The following TMEM255B variants were observed in gnomAD, a reference collection of about 807,000 sequenced individuals.
The protein encoded by TMEM255B is family with sequence similarity 70, member B.
In TMEM255B, 35 loss-of-function variants were observed where a neutral mutation model predicts 34.5. That is an observed-to-expected ratio of 1.01 (90% confidence interval 0.77 to 1.34). TMEM255B has a LOEUF of 1.34. Among genes scored for constraint, TMEM255B ranks in the 40% most tolerant of loss-of-function variants. The probability of loss-of-function intolerance (pLI) is 0.00; values close to 1 mark genes in which losing one functional copy is unlikely to be tolerated. For synonymous variants in TMEM255B, 206 were observed against 201.2 expected, an observed-to-expected ratio of 1.02 and a Z score of -0.20; for missense variants, 432 against 433.2, an observed-to-expected ratio of 1.00 and a Z score of 0.02.
At chr13:113,795,958 A>T (rs1192689916) in intron 4 of TMEM255B, among the ~76,000 whole-genome samples, 1 of 135,196 alleles carries the variant, frequency 7.4e-6, no homozygotes, top group East Asian at 2.3e-4. Context: ...CAGCACATAC[A>T]CAACAGAGCA....
chr13:113,805,060 G>T, intron 8 of TMEM255B, 32 bp downstream of exon 8: 1 of 1,570,114 alleles, frequency 6.4e-7, no homozygotes, highest in Non-Finnish European at 8.6e-7. Context: ...GGAGTTGGAC[G>T]CGCTGGTCAC....
At chr13:113,787,527 T>C (rs374355462) in intron 3 of TMEM255B, among the ~76,000 whole-genome samples, 7 of 152,092 alleles carry the variant, frequency 4.6e-5, no homozygotes, top group African/African-American at 1.7e-4. Context: ...GGTGCGAGTG[T>C]AGGGTGTAGA....
chr13:113,776,509 CCGAGCTGTG>C (rs2050580952), intron 3 of TMEM255B, among the ~76,000 whole-genome samples: 2 of 152,250 alleles, frequency 1.3e-5, no homozygotes, highest in Admixed American at 6.5e-5. Context: ...CTGCTGCTGT[CCGAGCTGTG>C]AGCTGTGCAC....
chr13:113,805,209 C>A (rs569285612), intron 8 of TMEM255B, among the ~76,000 whole-genome samples, 181 bp downstream of exon 8: 46 of 152,138 alleles, frequency 3.0e-4, no homozygotes, highest in Non-Finnish European at 6.6e-4. Context: ...CAAGTATGGC[C>A]GGGGACCGCG....
intron 7 of TMEM255B, among the ~76,000 whole-genome samples, chr13:113,804,134 G>A (rs1457309080): frequency 6.6e-6 from 1 of 152,232 alleles, no homozygotes; most frequent in Non-Finnish European, 1.5e-5. Flanking sequence ...TTCTGGCCCG[G>A]GGAAGCCCTG....
chr13:113,791,654 A>T (rs1193620754), intron 3 of TMEM255B, among the ~76,000 whole-genome samples: 1 of 152,256 alleles, frequency 6.6e-6, no homozygotes, highest in Non-Finnish European at 1.5e-5. Context: ...CCGCACCTGC[A>T]AAATGCAAAT....
In TMEM255B at chr13:113,795,355, G is replaced by C. The variant is rs117636092; in HGVS notation, c.342+118G>C. The C allele has an allele frequency of 9.5e-6, 10 of 1,056,862 alleles. No homozygotes were observed. In the Admixed American group the frequency reaches 1.3e-4, roughly 13 times the overall value. The allele number at this position is 1,056,862 out of a possible 1,614,324, so 65.5% of individuals were successfully genotyped here. A position where few individuals can be genotyped will look rare whatever the true frequency, so the allele number is the denominator to read the frequency against. On this transcript the variant is annotated intron_variant, in intron 4 of 8. Coordinates refer to ENST00000375353, the MANE Select transcript of TMEM255B (RefSeq NM_182614.4). ...AGACGGCTTCACCGTCAGTCTCCAC[G>C]CTGGGGGTTGCCAGTGACTGTCTCT...
intron 3 of TMEM255B, among the ~76,000 whole-genome samples, chr13:113,775,050 C>T (rs60487228): frequency 3.6e-5 from 3 of 83,758 alleles, no homozygotes; most frequent in Non-Finnish European, 7.2e-5. Context: ...ATTGCACACA[C>T]AACACACCAC....
intron 1 of TMEM255B, chr13:113,761,311 A>C (rs1273740750): frequency 1.0e-6 from 1 of 985,080 alleles, no homozygotes; most frequent in East Asian, 1.1e-4. Context: ...TCTGAGGGGC[A>C]GGAAGAACCT....
At chr13:113,781,929 T>C (rs1244453386) in intron 3 of TMEM255B, among the ~76,000 whole-genome samples, 1 of 152,234 alleles carries the variant, frequency 6.6e-6, no homozygotes, top group Non-Finnish European at 1.5e-5. Flanking sequence ...AATATTCTTT[T>C]CTTTAATACC....
At chr13:113,795,985 C>G (rs2050923033) in intron 4 of TMEM255B, among the ~76,000 whole-genome samples, 1 of 144,690 alleles carries the variant, frequency 6.9e-6, no homozygotes, top group Admixed American at 6.9e-5. Flanking sequence ...ACACACACAA[C>G]AGAGCACACA....
intron 2 of TMEM255B, 102 bp from the exon 3 acceptor site, chr13:113,768,996 G>T: frequency 1.5e-6 from 2 of 1,348,644 alleles, no homozygotes; most frequent in Non-Finnish European, 2.1e-6. Flanking sequence ...TTCGTCCCTG[G>T]ATAAAATGCC....
intron 8 of TMEM255B, among the ~76,000 whole-genome samples, chr13:113,807,169 C>G (rs1365940921): frequency 6.6e-6 from 1 of 152,190 alleles, no homozygotes; most frequent in African/African-American, 2.4e-5. Flanking sequence ...ACCTTGGAGA[C>G]AGTGAGGCTT....
chr13:113,760,034 G>A (rs1406949164), intron 1 of TMEM255B, among the ~76,000 whole-genome samples: 1 of 152,144 alleles, frequency 6.6e-6, no homozygotes, highest in Non-Finnish European at 1.5e-5. Flanking sequence ...GAGGGGGAGA[G>A]GGCTGGGCAG....
At chr13:113,811,580 GGGGGCCCATGTGAATGGCCCTGAGTC>G (rs2051308733) in intron 8 of TMEM255B, among the ~76,000 whole-genome samples, 130 bp from the exon 9 acceptor site, 1 of 147,044 alleles carries the variant, frequency 6.8e-6, no homozygotes. Context: ...TGGGTCTGCG[GGGGGCCCATGTGAATGGCCCTGAGTC>G]TGCGGGTGGC....
Position 113,801,759 on chromosome 13 carries a change from G to T in TMEM255B, c.616G>T (p.Gly206Cys), listed in dbSNP as rs778209467. The T allele has an allele frequency of 6.2e-7, 1 of 1,612,802 alleles. No homozygotes were observed. The highest frequency in any genetic ancestry group is 8.5e-7 in the Non-Finnish European group (1 of 1,179,576). The change falls in exon 7 of 9, where the codon GGC becomes TGC. Residue 206 changes from glycine (G) to cysteine (C), a missense_variant. Gly to Cys is a radical substitution (Grantham distance 159). Coordinates refer to ENST00000375353, the MANE Select transcript of TMEM255B (RefSeq NM_182614.4). ...LWASAVLNVL[G>C]LFLGIITAAV... The stretch of plus-strand genomic sequence containing the variant: ...GGCCTCTGCAGTTCTGAACGTCCTG[G>T]GCCTGTTCCTGGGCATCATCACCGC...
chr13:113,805,014 C>A lies in TMEM255B; in HGVS notation c.799C>A (p.Pro267Thr). Residue 267 changes from proline (P) to threonine (T), a missense_variant, in exon 8 of 9, where the codon CCT becomes ACT. Coordinates refer to ENST00000375353, the MANE Select transcript of TMEM255B (RefSeq NM_182614.4). ...PEPVPTCSSY[P>T]LPLQPCSRFP... Reference sequence around the variant, plus strand: ...GCCCGTCCCGACCTGCTCGTCCTACCCTCTGCCCCTTCAGGTAGGGCCAGC... The same window carrying A: ...GCCCGTCCCGACCTGCTCGTCCTACACTCTGCCCCTTCAGGTAGGGCCAGC... 1 of 1,601,834 alleles carries A rather than the reference C, an allele frequency of 6.2e-7. No homozygotes were observed.
chr13:113,766,067 TCCTGAG>T, intron 1 of TMEM255B, 42 bp from the exon 2 acceptor site: 4 of 1,609,370 alleles, frequency 2.5e-6, no homozygotes, highest in Non-Finnish European at 3.4e-6. Context: ...CCTGACGCCC[TCCTGAG>T]CCTGAGCCCT....
In TMEM255B at chr13:113,811,884, C is replaced by G. The variant is rs2051318499; in HGVS notation, c.962C>G (p.Pro321Arg). ...ACCTACTTTCCCCCGGGGGAGAAGC[C>G]ACCCCCCTACGCACCCTGATAGAGG... ...APTYFPPGEKPPPYAP is the reference protein window; with the variant it reads ...APTYFPPGEKRPPYAP The change falls in exon 9 of 9, where the codon CCA (proline) becomes CGA (arginine). Residue 321 changes from proline (P) to arginine (R), a missense_variant. Pro to Arg is a moderately radical substitution (Grantham distance 103). Transcript: ENST00000375353. 6.2e-7 allele frequency: 1 copy of G among 1,612,918 alleles called. No homozygotes were observed. The highest frequency in any genetic ancestry group is 8.5e-7 in the Non-Finnish European group (1 of 1,179,282).
Sources: allele counts gnomAD v4.1 joint callset (sites outside exome capture counted in the v4.1 genomes callset), GRCh38; gene constraint gnomAD v4.1.1; transcripts MANE v1.5; gene names NCBI Gene and HGNC (gene_info 2026-07-23, HGNC 2026-07-21).